The following SPATA24 variants were observed in gnomAD, a reference collection of about 807,000 sequenced individuals.
The protein encoded by SPATA24 is spermatogenesis associated 24.
In SPATA24, 21 loss-of-function variants were observed where a neutral mutation model predicts 28.9. The ratio of observed to expected loss-of-function variants is 0.73; its 90% CI spans 0.52 to 1.05. The LOEUF (loss-of-function observed/expected upper bound fraction) is 1.05. SPATA24 is among the 50% of genes least tolerant of loss of function. SPATA24 has a pLI of 0.00. For synonymous variants in SPATA24, 76 were observed against 89.9 expected (o/e 0.85, Z 0.88); for missense variants, 215 against 242.9 (o/e 0.88, Z 0.76).
Position 139,401,942 on chromosome 5 carries a change from T to A in SPATA24, c.287A>T (p.Glu96Val). ...GEVEVLSKQL[E>V]KEKLAFEKAL... ...TTTTTCAAAGGCCAGCTTCTCTTTCTCCAGCTGCTTGGATAGCACCTCTAC... is the reference window on the plus strand; with the variant it reads ...TTTTTCAAAGGCCAGCTTCTCTTTCACCAGCTGCTTGGATAGCACCTCTAC... Residue 96 changes from glutamate (E) to valine (V), a missense_variant, in exon 3 of 6, where the codon GAG (glutamate) becomes GTG (valine). Transcript: ENST00000450845. 1 of 1,551,830 alleles carries A rather than the reference T, an allele frequency of 6.4e-7. No individual in the cohort carries two copies.
At chr5:139,394,494 G>T, downstream of SPATA24, 1 of 1,422,546 alleles carries the variant, frequency 7.0e-7, no homozygotes. Context: ...CGGGCGCGGC[G>T]CCCTCCTCCA....
chr5:139,396,070 A>C, downstream of SPATA24: 1 of 622,208 alleles, frequency 1.6e-6, no homozygotes, highest in Non-Finnish European at 2.0e-6. Flanking sequence ...TCCTGCTATG[A>C]CTCAGGCCCC....
chr5:139,394,197 A>G, downstream of SPATA24: 1 of 1,548,216 alleles, frequency 6.5e-7, no homozygotes, highest in South Asian at 1.2e-5. Context: ...GCCGAGACTT[A>G]GCCTTCTCCA....
intron 4 of SPATA24, among the ~76,000 whole-genome samples, chr5:139,397,753 C>T (rs567993320): frequency 2.2e-4 from 34 of 152,292 alleles, no homozygotes; most frequent in African/African-American, 8.2e-4. Flanking sequence ...TGGGGTTTCA[C>T]CATGTTGGCC....
At chr5:139,399,249 G>A (rs905925022) in intron 4 of SPATA24, among the ~76,000 whole-genome samples, 5 of 151,252 alleles carry the variant, frequency 3.3e-5, no homozygotes, top group African/African-American at 7.3e-5. Flanking sequence ...CCTGAGAGGC[G>A]GAGCTTGCAG....
At chr5:139,400,672 G>A (rs1209768781) in intron 4 of SPATA24, among the ~76,000 whole-genome samples, 2 of 152,100 alleles carry the variant, frequency 1.3e-5, no homozygotes, top group Non-Finnish European at 2.9e-5. Context: ...TGAGGTGTAC[G>A]GGCATGTGTA....
chr5:139,395,088 GC>G (rs757020630), downstream of SPATA24: 1 of 1,396,330 alleles, frequency 7.2e-7, no homozygotes, highest in Middle Eastern at 2.7e-4. Flanking sequence ...GCATGGTGGG[GC>G]CGGACGCCGT....
At chr5:139,397,569 T>G (rs1758739064) in intron 4 of SPATA24, among the ~76,000 whole-genome samples, 1 of 150,996 alleles carries the variant, frequency 6.6e-6, no homozygotes, top group African/African-American at 2.5e-5. Flanking sequence ...TTTTTTTTTG[T>G]ATTTGAGACT....
chr5:139,403,565 C>T (rs997925846), intron 1 of SPATA24, among the ~76,000 whole-genome samples: 3 of 152,178 alleles, frequency 2.0e-5, no homozygotes, highest in African/African-American at 7.2e-5. Context: ...TTCAACACGG[C>T]ACTGCCTTTG....
chr5:139,402,282 C>A (rs1161956615), intron 2 of SPATA24, among the ~76,000 whole-genome samples: 2 of 151,520 alleles, frequency 1.3e-5, no homozygotes, highest in Non-Finnish European at 2.9e-5. Flanking sequence ...GGCATGATCT[C>A]AGCTCAGTGC....
downstream of SPATA24, chr5:139,392,694 G>C (rs1333985631): frequency 6.6e-6 from 9 of 1,374,020 alleles, no homozygotes; most frequent in African/African-American, 1.6e-5. The surrounding 1 kb of genome is among the most constrained non-coding windows in gnomAD (Gnocchi z 5.8). Flanking sequence ...GGGGCGATCG[G>C]ACCCCTGCTG....
rs1284994655 is a variant in SPATA24, at chr5:139,397,062, C to T, written c.467G>A (p.Ser156Asn). 2 of 1,551,694 alleles carry T rather than the reference C, an allele frequency of 1.3e-6. No individual in the cohort carries two copies. The highest frequency in any genetic ancestry group is 1.7e-6 in the Non-Finnish European group (2 of 1,147,022). Residue 156 changes from serine to asparagine, a missense_variant, in exon 5 of 6, where the codon AGC (serine) becomes AAC (asparagine). Ser to Asn is a conservative substitution (Grantham distance 46, BLOSUM62 1). Transcript: ENST00000450845. ...TCACCTGAAGATCTGTTTCTGCTGGCTGATAACTTGCTGCAACTCTTTAAT... is the reference window on the plus strand; with the variant it reads ...TCACCTGAAGATCTGTTTCTGCTGGTTGATAACTTGCTGCAACTCTTTAAT... The part of the protein sequence containing the change: ...NEIKELQQVI[S>N]QQKQIFRNHM...
chr5:139,402,343 T>C lies in SPATA24; in HGVS notation c.183+285A>G, dbSNP rs11738441. Among the ~76,000 whole-genome samples the C allele has an allele frequency of 8.6e-3, 1,304 of 151,824 alleles. 9 individuals carry two copies. Among genetic ancestry groups the C allele is most frequent in the Admixed American group, 0.014 (210 of 15,248 alleles). ...AATTCTCCTGTCTCAGCCTCCCAAG[T>C]AGCTGGGATTACAGGCGCCTGCCAC... On this transcript the variant is annotated intron_variant, in intron 2 of 5. Transcript: ENST00000450845.
intron 1 of SPATA24, among the ~76,000 whole-genome samples, chr5:139,403,679 C>T (rs750174259): frequency 1.8e-4 from 27 of 152,242 alleles, no homozygotes; most frequent in Non-Finnish European, 3.2e-4. Context: ...AATGGGGAAA[C>T]TGAGGCTCAG....
At position 139,404,049 on chromosome 5, in the gene SPATA24, G is replaced by A. The variant is rs1758880718; in HGVS notation, c.12C>T (p.Pro4=). 2 of 1,551,612 alleles carry A rather than the reference G, an allele frequency of 1.3e-6. No homozygotes were observed. The highest frequency in any genetic ancestry group is 8.7e-7 in the Non-Finnish European group (1 of 1,146,970). MAT[P]LGWSKAGSGS... ...CTGACCCCGCCTTCGACCACCCGAG[G>A]GGCGTCGCCATCTTCCGCCCCCGCC... The change falls in exon 1 of 6, where the codon CCC becomes CCT. Residue 4 remains proline, a synonymous_variant. Transcript: ENST00000450845.
chr5:139,394,015 G>A (rs746059865), downstream of SPATA24: 1 of 1,550,708 alleles, frequency 6.4e-7, no homozygotes. Context: ...CGGGAACCGA[G>A]TCTTCCGCGC....
chr5:139,398,805 CCT>C (rs10578927), intron 4 of SPATA24, among the ~76,000 whole-genome samples: 26,802 of 104,244 alleles, frequency 0.26, 5,726 homozygotes, highest in African/African-American at 0.47. Flanking sequence ...GGGTGGATCA[CCT>C]GAGGTCAGGA....
chr5:139,392,688 C>A, downstream of SPATA24: 1 of 1,365,974 alleles, frequency 7.3e-7, no homozygotes, highest in African/African-American at 1.6e-5. The surrounding 1 kb of genome is among the most constrained non-coding windows in gnomAD (Gnocchi z 5.8). Flanking sequence ...CGGGGCGGGG[C>A]GATCGGACCC....
At chr5:139,392,933 G>C, downstream of SPATA24, 1 of 1,523,298 alleles carries the variant, frequency 6.6e-7, no homozygotes, top group Non-Finnish European at 8.8e-7. This position sits in a 1 kb window ranked among gnomAD's most constrained non-coding sequence, Gnocchi z 5.8. Context: ...GCCCTCCGCC[G>C]CAGGACCCCG....
Sources: gnomAD v4.1 joint callset for allele counts (sites outside exome capture counted in the v4.1 genomes callset) on GRCh38, gnomAD v4.1.1 for gene constraint, Gnocchi (gnomAD v3.1) non-coding constraint, MANE v1.5 for transcripts, NCBI Gene and HGNC (gene_info 2026-07-23, HGNC 2026-07-21) for gene names.